Variants in MSRB3 observed in about 807,000 individuals in gnomAD.
MSRB3 encodes the protein methionine-R-sulfoxide reductase B3.
MSRB3 carries 13 observed loss-of-function variants against 21.0 expected under a neutral mutation model. The ratio of observed to expected loss-of-function variants is 0.62; its 90% CI spans 0.40 to 0.98. The LOEUF (loss-of-function observed/expected upper bound fraction) is 0.98. MSRB3 is among the 50% of genes least tolerant of loss of function. The pLI is 0.00. For synonymous variants in MSRB3, 87 were observed against 88.6 expected (o/e 0.98, Z 0.10); for missense variants, 199 against 230.3 (o/e 0.86, Z 0.88).
rs564942965 is a variant in MSRB3 at position 65,364,658 on chromosome 12, G to A, written c.264-4340G>A. Among the ~76,000 whole-genome samples, 205 of 152,052 alleles carry A rather than the reference G, an allele frequency of 1.3e-3. 1 individual carries two copies. Among genetic ancestry groups the A allele is most frequent in the African/African-American group, 1.7e-3 (71 of 41,470 alleles). Reference sequence around the variant, plus strand: ...ATGTATCTTTCTTTTTACATTTGCCGTATATTCATCCTTATCCATATTTCA... The same window carrying A: ...ATGTATCTTTCTTTTTACATTTGCCATATATTCATCCTTATCCATATTTCA... On this transcript the variant is annotated intron_variant, in intron 4 of 6. Transcript: ENST00000308259.
At chr12:65,321,111 C>G (rs920486321) in intron 2 of MSRB3, among the ~76,000 whole-genome samples, 2 of 152,098 alleles carry the variant, frequency 1.3e-5, no homozygotes, top group Non-Finnish European at 2.9e-5. Flanking sequence ...TCCAGTTTTC[C>G]TTTTTCCTTC....
intron 1 of MSRB3, among the ~76,000 whole-genome samples, chr12:65,307,728 C>T (rs1312431805): frequency 6.6e-6 from 1 of 151,968 alleles, no homozygotes; most frequent in African/African-American, 2.4e-5. Context: ...TAATTCATTT[C>T]CAAAGACATT....
At chr12:65,353,550 C>G (rs983494800) in intron 4 of MSRB3, among the ~76,000 whole-genome samples, 25 of 152,066 alleles carry the variant, frequency 1.6e-4, no homozygotes, top group African/African-American at 6.0e-4. Context: ...ATTGCAACCC[C>G]TGCCTTTTTT....
chr12:65,436,862 C>G (rs1429247331), intron 5 of MSRB3, among the ~76,000 whole-genome samples: 2 of 151,866 alleles, frequency 1.3e-5, no homozygotes, highest in African/African-American at 4.8e-5. Flanking sequence ...TGGAGACAAT[C>G]TTGGATTTAC....
intron 5 of MSRB3, among the ~76,000 whole-genome samples, chr12:65,449,303 T>G (rs1435566263): frequency 6.6e-6 from 1 of 151,360 alleles, no homozygotes; most frequent in Non-Finnish European, 1.5e-5. Flanking sequence ...GAATATTAAA[T>G]AATTTGGCAA....
chr12:65,389,696 A>G (rs1299530882), intron 5 of MSRB3, among the ~76,000 whole-genome samples: 2 of 152,070 alleles, frequency 1.3e-5, no homozygotes, highest in African/African-American at 4.8e-5. Flanking sequence ...CCTAGACTCT[A>G]TGGTGACCAT....
intron 5 of MSRB3, among the ~76,000 whole-genome samples, chr12:65,375,930 G>GT (rs35459253): frequency 0.58 from 86,316 of 148,676 alleles, 25,241 homozygotes; most frequent in African/African-American, 0.64. Flanking sequence ...ACTTATTAAA[G>GT]TTTTTTTTTT....
intron 2 of MSRB3, among the ~76,000 whole-genome samples, chr12:65,313,857 A>G (rs969576707): frequency 1.3e-5 from 2 of 152,212 alleles, no homozygotes; most frequent in African/African-American, 4.8e-5. Context: ...GTAATTCACA[A>G]AATAATTTGC....
intron 5 of MSRB3, 35 bp from the exon 6 acceptor site, chr12:65,453,691 CCT>C (rs1565899058): frequency 1.4e-6 from 2 of 1,466,670 alleles, no homozygotes; most frequent in Non-Finnish European, 9.6e-7. Context: ...GTGTATCTCT[CCT>C]CTCTGCTTTG....
rs1883449796 is a variant in MSRB3, at chr12:65,463,906, GGGCATACTGA to G, written c.*586_*595del. 6.5e-6 allele frequency: 1 copy of G among 154,292 alleles called. No individual in the cohort carries two copies. Among genetic ancestry groups the G allele is most frequent in the Admixed American group, 6.4e-5 (1 of 15,628 alleles). The allele number at this position is 154,292 out of a possible 1,614,324, so 9.6% of individuals were successfully genotyped here. The stretch of plus-strand genomic sequence containing the variant: ...TGTTAAATTGTTGCCAGATCCAAAG[GGGCATACTGA>G]GTGTTGTGGCAGAGAAGTAAACATT... On this transcript the variant is annotated 3_prime_UTR_variant, in exon 7 of 7. Coordinates refer to ENST00000308259, the MANE Select transcript of MSRB3 (RefSeq NM_001031679.3).
At chr12:65,318,386 C>T (rs890042352) in intron 2 of MSRB3, among the ~76,000 whole-genome samples, 2 of 152,124 alleles carry the variant, frequency 1.3e-5, no homozygotes, top group Admixed American at 1.3e-4. Context: ...GGTTACCGCT[C>T]ATCTCCCTAG....
intron 5 of MSRB3, among the ~76,000 whole-genome samples, chr12:65,382,876 A>T (rs1024473332): frequency 1.2e-4 from 19 of 152,122 alleles, no homozygotes; most frequent in African/African-American, 3.6e-4. Context: ...ATACATGCAT[A>T]TATGTGTGTA....
Position 65,369,022 on chromosome 12 carries a change from T to C in MSRB3, c.288T>C (p.Gly96=). The C allele has an allele frequency of 3.9e-6, 6 of 1,546,504 alleles. No homozygotes were observed. Among genetic ancestry groups the C allele is most frequent in the Non-Finnish European group, 5.3e-6 (6 of 1,132,590 alleles). Residue 96 remains glycine (G), a synonymous_variant, in exon 5 of 7, where the codon GGT becomes GGC. Coordinates refer to ENST00000308259, the MANE Select transcript of MSRB3 (RefSeq NM_001031679.3). ...GGTCAGAAACCAAATTTGACTCCGG[T>C]TCAGGTATGTTTACATTAATAATGC... ...LFKSETKFDS[G]SGWPSFHDVI... is the part of the protein sequence containing the mutation.
chr12:65,418,980 C>T (rs1881129376), intron 5 of MSRB3: 2 of 708,074 alleles, frequency 2.8e-6, no homozygotes, highest in East Asian at 2.7e-5. Flanking sequence ...ACTCCAACTC[C>T]AGGTGCAGCA....
chr12:65,285,421 T>G (rs1161976880), intron 1 of MSRB3: 2 of 152,198 alleles, frequency 1.3e-5, no homozygotes, highest in Non-Finnish European at 2.9e-5. Flanking sequence ...TATTGATACT[T>G]GGTTTCCTAA....
intron 4 of MSRB3, among the ~76,000 whole-genome samples, chr12:65,356,948 T>C (rs1877418824): frequency 6.6e-6 from 1 of 151,912 alleles, no homozygotes; most frequent in African/African-American, 2.4e-5. Flanking sequence ...TTATGATTTT[T>C]TTAAAAACAA....
chr12:65,294,752 A>G (rs964403954), intron 1 of MSRB3, among the ~76,000 whole-genome samples: 22 of 149,606 alleles, frequency 1.5e-4, no homozygotes, highest in African/African-American at 4.6e-4. Flanking sequence ...TCTTTGTACT[A>G]TAGTTTTATG....
At chr12:65,314,593 G>A (rs1874177932) in intron 2 of MSRB3, among the ~76,000 whole-genome samples, 1 of 152,028 alleles carries the variant, frequency 6.6e-6, no homozygotes, top group South Asian at 2.1e-4. Context: ...AGGCTAAATT[G>A]TTATACAACA....
At chr12:65,376,084 A>G (rs1463008629) in intron 5 of MSRB3, among the ~76,000 whole-genome samples, 2 of 148,478 alleles carry the variant, frequency 1.3e-5, no homozygotes, top group Non-Finnish European at 3.0e-5. Context: ...TTTTTATTTT[A>G]TCTGACAAGG....
Sources: gnomAD v4.1 joint callset for allele counts (sites outside exome capture counted in the v4.1 genomes callset) on GRCh38, gnomAD v4.1.1 for gene constraint, MANE v1.5 for transcripts, NCBI Gene and HGNC (gene_info 2026-07-23, HGNC 2026-07-21) for gene names.